The following KIZ variants were observed in gnomAD, a reference collection of about 807,000 sequenced individuals.
KIZ encodes the protein kizuna centrosomal protein.
Under a neutral mutation model 79.6 loss-of-function variants are expected in KIZ, and 68 were observed. That is an observed-to-expected ratio of 0.85 (90% CI 0.70 to 1.05). KIZ has a LOEUF of 1.05. Ranked by LOEUF, KIZ falls within the 50% of genes least tolerant of loss-of-function variation. The pLI is 0.00. For missense variants in KIZ, 797 were observed against 800.4 expected, an observed-to-expected ratio of 1.00 and a Z score of 0.05; for synonymous variants, 280 against 281.8, an observed-to-expected ratio of 0.99 and a Z score of 0.06.
chr20:21,167,499 T>C (rs760505329), intron 6 of KIZ, among the ~76,000 whole-genome samples: 107 of 151,806 alleles, frequency 7.0e-4, no homozygotes, highest in Non-Finnish European at 1.4e-3. Flanking sequence ...AAAGTGGTTG[T>C]GGCTATCTAC....
intron 6 of KIZ, among the ~76,000 whole-genome samples, chr20:21,201,508 A>C (rs2035597132): frequency 6.6e-6 from 1 of 152,266 alleles, no homozygotes; most frequent in African/African-American, 2.4e-5. Flanking sequence ...TTTGGATTAT[A>C]GTATATGAAA....
intron 11 of KIZ, among the ~76,000 whole-genome samples, chr20:21,240,132 A>AT (rs367965103): frequency 0.033 from 4,973 of 150,368 alleles, 241 homozygotes; most frequent in African/African-American, 0.11. Context: ...TTAATTAACT[A>AT]TTTTTTTTTT....
chr20:21,185,024 C>T (rs1005333961), intron 6 of KIZ, among the ~76,000 whole-genome samples: 2 of 151,036 alleles, frequency 1.3e-5, no homozygotes, highest in Non-Finnish European at 2.9e-5. Context: ...GCCCAGGCAA[C>T]AGAGCAAGAC....
At chr20:21,144,605 CCTAA>C (rs2032749877) in intron 3 of KIZ, among the ~76,000 whole-genome samples, 1 of 148,802 alleles carries the variant, frequency 6.7e-6, no homozygotes, top group Admixed American at 6.8e-5. Context: ...AAAATCCATA[CCTAA>C]CTGTTACTAA....
At chr20:21,205,607 G>T (rs1568975280) in intron 7 of KIZ, 23 bp downstream of exon 7, 1 of 1,000,810 alleles carries the variant, frequency 1.0e-6, no homozygotes, top group Non-Finnish European at 1.5e-6. Flanking sequence ...ACTGTCTGAA[G>T]TTTTCCCAAT....
At chr20:21,165,670 A>G (rs984280993) in intron 6 of KIZ, among the ~76,000 whole-genome samples, 4 of 152,196 alleles carry the variant, frequency 2.6e-5, no homozygotes, top group African/African-American at 7.2e-5. Flanking sequence ...GAGAGTGGGC[A>G]GGACTGGGAG....
rs138781842 is a variant in KIZ at position 21,212,698 on chromosome 20, G to A, written c.1447-1837G>A. Among the ~76,000 whole-genome samples, 15 of 152,324 alleles carry A rather than the reference G, an allele frequency of 9.8e-5. 1 individual carries two copies. In the East Asian group the frequency reaches 2.5e-3, roughly 25 times the overall value. ...TGCCCACCACATTATTTACCTCACCGTGGAAAAGAGGGCTCAGTGCAGAAC... is the reference window on the plus strand; with the variant it reads ...TGCCCACCACATTATTTACCTCACCATGGAAAAGAGGGCTCAGTGCAGAAC... On this transcript the variant is annotated intron_variant, in intron 7 of 12. Transcript: ENST00000619189.
Position 21,145,687 on chromosome 20 carries a change from C to T in KIZ, c.405+33C>T, listed in dbSNP as rs562309953. 3.3e-6 allele frequency: 3 copies of T among 910,718 alleles called. No individual in the cohort carries two copies. The African/African-American group carries it at 5.1e-5, about 16-fold the overall frequency. The allele number at this position is 910,718 out of a possible 1,614,324, so 56.4% of individuals were successfully genotyped here. ...ACTAAATTGGTAACCTTTCTGTTAACAGAGGAATTCTGGAGTGTTTATATC... is the reference window on the plus strand; with the variant it reads ...ACTAAATTGGTAACCTTTCTGTTAATAGAGGAATTCTGGAGTGTTTATATC... On this transcript the variant is annotated intron_variant, in intron 4 of 12. Transcript: ENST00000619189.
At chr20:21,211,116 C>T (rs2036050824) in intron 7 of KIZ, among the ~76,000 whole-genome samples, 2 of 152,116 alleles carry the variant, frequency 1.3e-5, no homozygotes, top group South Asian at 4.1e-4. Context: ...AATATCACAA[C>T]CGTAAGTTTT....
At chr20:21,213,194 T>C (rs1412225333) in intron 7 of KIZ, among the ~76,000 whole-genome samples, 1 of 152,224 alleles carries the variant, frequency 6.6e-6, no homozygotes, top group African/African-American at 2.4e-5. Flanking sequence ...GGCAGTTGCC[T>C]TGAAGCGTCT....
chr20:21,173,309 G>A (rs1370097291), intron 6 of KIZ, among the ~76,000 whole-genome samples: 1 of 152,162 alleles, frequency 6.6e-6, no homozygotes, highest in Non-Finnish European at 1.5e-5. Context: ...TGGGTGTGGT[G>A]GCTCATGCCT....
At chr20:21,156,775 T>TA (rs1271252919) in intron 4 of KIZ, among the ~76,000 whole-genome samples, 4 of 152,176 alleles carry the variant, frequency 2.6e-5, no homozygotes, top group Non-Finnish European at 4.4e-5. Flanking sequence ...TGTCCCAACT[T>TA]ACCCTCAAAT....
chr20:21,241,193 T>C (rs2037204147), intron 11 of KIZ, among the ~76,000 whole-genome samples: 1 of 152,202 alleles, frequency 6.6e-6, no homozygotes, highest in Admixed American at 6.5e-5. Context: ...AATAGAAAGT[T>C]CTCAGGCTTC....
intron 9 of KIZ, chr20:21,218,539 A>G (rs970127260): frequency 6.6e-6 from 1 of 152,254 alleles, no homozygotes; most frequent in African/African-American, 2.4e-5. Flanking sequence ...CATAATGCAT[A>G]GAAGCATAGT....
chr20:21,228,929 T>C, intron 9 of KIZ, 82 bp from the exon 10 acceptor site: 1 of 685,938 alleles, frequency 1.5e-6, no homozygotes, highest in Non-Finnish European at 2.5e-6. Flanking sequence ...TTAAGAAGTG[T>C]TAATCTCATA....
intron 11 of KIZ, among the ~76,000 whole-genome samples, chr20:21,242,635 G>A (rs1248914555): frequency 2.6e-5 from 4 of 152,040 alleles, no homozygotes; most frequent in African/African-American, 9.7e-5. Context: ...GACTGGAGAG[G>A]GGCTTGGGGA....
chr20:21,237,899 C>T (rs1330937586), intron 11 of KIZ, among the ~76,000 whole-genome samples: 3 of 152,162 alleles, frequency 2.0e-5, no homozygotes, highest in African/African-American at 7.2e-5. Flanking sequence ...ACACGATCTC[C>T]GCTCACTGCA....
At chr20:21,171,099 G>T (rs1466732015) in intron 6 of KIZ, among the ~76,000 whole-genome samples, 1 of 152,126 alleles carries the variant, frequency 6.6e-6, no homozygotes, top group African/African-American at 2.4e-5. Flanking sequence ...TCAGCATTTG[G>T]TATTGTCATT....
intron 6 of KIZ, among the ~76,000 whole-genome samples, chr20:21,177,703 A>G (rs936913204): frequency 6.6e-6 from 1 of 152,136 alleles, no homozygotes; most frequent in African/African-American, 2.4e-5. Flanking sequence ...TAGGAGTTTT[A>G]AAACTTCAGG....
Sources: gnomAD v4.1 joint callset for allele counts (sites outside exome capture counted in the v4.1 genomes callset) on GRCh38, gnomAD v4.1.1 for gene constraint, MANE v1.5 for transcripts, NCBI Gene and HGNC (gene_info 2026-07-23, HGNC 2026-07-21) for gene names.